The following EVC variants were observed in gnomAD, a reference collection of about 807,000 sequenced individuals.
EVC encodes the protein EvC ciliary complex subunit 1.
In EVC, 116 loss-of-function variants were observed where a neutral mutation model predicts 118.9. The observed-to-expected ratio is 0.98, with a 90% CI of 0.84 to 1.14. The LOEUF (loss-of-function observed/expected upper bound fraction) is 1.14. EVC is among the 50% of genes most tolerant of loss of function. The pLI, the probability that EVC is intolerant of heterozygous loss-of-function variation, is 0.00. For missense variants in EVC, 1,401 were observed against 1,246.4 expected (o/e 1.12, Z -1.87); for synonymous variants, 619 against 534.7 (o/e 1.16, Z -2.18).
chr4:5,777,149 T>A (rs1445433014), intron 11 of EVC, among the ~76,000 whole-genome samples: 1 of 152,164 alleles, frequency 6.6e-6, no homozygotes, highest in Non-Finnish European at 1.5e-5. Context: ...AGGTATACAA[T>A]GATACTGTCC....
intron 11 of EVC, among the ~76,000 whole-genome samples, chr4:5,775,866 T>C (rs1734645896): frequency 6.6e-6 from 1 of 152,212 alleles, no homozygotes; most frequent in Admixed American, 6.5e-5. Flanking sequence ...TTGGAATTTA[T>C]AGGTCAATTT....
At chr4:5,712,219 A>C (rs1437845215) in intron 1 of EVC, among the ~76,000 whole-genome samples, 1 of 152,250 alleles carries the variant, frequency 6.6e-6, no homozygotes, top group East Asian at 1.9e-4. Flanking sequence ...GCTGTGTACC[A>C]GGCACTGAAC....
intron 5 of EVC, among the ~76,000 whole-genome samples, chr4:5,739,237 G>T (rs1449754431): frequency 6.6e-6 from 1 of 152,136 alleles, no homozygotes; most frequent in African/African-American, 2.4e-5. Flanking sequence ...AAGTAGACTC[G>T]AAACTAACAT....
the EVC span, chr4:5,824,246 G>T: frequency 1.0e-6 from 1 of 974,352 alleles, no homozygotes; most frequent in Non-Finnish European, 1.2e-6. Flanking sequence ...CTTTTTCCCA[G>T]GATGAAGCCA....
chr4:5,715,993 C>T (rs1410421953), intron 1 of EVC, among the ~76,000 whole-genome samples: 6 of 152,174 alleles, frequency 3.9e-5, no homozygotes, highest in Non-Finnish European at 7.3e-5. Flanking sequence ...CCACCTGCCT[C>T]GGCCTCCCAG....
chr4:5,813,750 C>A lies in EVC; in HGVS notation c.*2713C>A, dbSNP rs3733188. The A allele has an allele frequency of 6.6e-6, 1 of 152,110 alleles. No homozygotes were observed. The highest frequency in any genetic ancestry group is 1.9e-4 in the East Asian group (1 of 5,148). 9.4% of individuals were successfully genotyped at this position (152,110 alleles called of 1,614,324 possible). A position where few individuals can be genotyped will look rare whatever the true frequency, so the allele number is the denominator to read the frequency against. On this transcript the variant is annotated 3_prime_UTR_variant, in exon 21 of 21. Coordinates refer to ENST00000264956, the MANE Select transcript of EVC (RefSeq NM_153717.3). ...GCTTGTAGCCTGAATGCCTGGCTGTCGCATGGAGCATTTTGCTTCTGGGGT... is the reference window on the plus strand; with the variant it reads ...GCTTGTAGCCTGAATGCCTGGCTGTAGCATGGAGCATTTTGCTTCTGGGGT...
In EVC at chr4:5,789,822, G is replaced by A. The variant is rs943889583; in HGVS notation, c.1777-3786G>A. Among the ~76,000 whole-genome samples the A allele has an allele frequency of 6.6e-6, 1 of 152,132 alleles. No individual in the cohort carries two copies. The highest frequency in any genetic ancestry group is 2.4e-5 in the African/African-American group (1 of 41,432). ...TCGAATCCTGTTGCTAGTTTAAGCT[G>A]CATTCTCAAAACACGCAGCAAAGAC... On this transcript the variant is annotated intron_variant, in intron 12 of 20. Transcript: ENST00000264956. The surrounding 1 kb of genome is among the most constrained non-coding windows in gnomAD (Gnocchi z 4.3).
chr4:5,771,453 C>T (rs1560379505), intron 11 of EVC, among the ~76,000 whole-genome samples: 1 of 152,122 alleles, frequency 6.6e-6, no homozygotes. Flanking sequence ...ATCTTCTTTC[C>T]ATCTCAGGAT....
rs1253372009 is a variant in EVC, at chr4:5,755,474, C to T, written c.1465-790C>T. Among the ~76,000 whole-genome samples the T allele has an allele frequency of 6.6e-6, 1 of 152,142 alleles. No individual in the cohort carries two copies. The highest frequency in any genetic ancestry group is 2.4e-5 in the African/African-American group (1 of 41,430). ...GAGAATGAACGAACGACACCAGGCT[C>T]CCAGTACACACTCAGCACCCACCTT... On this transcript the variant is annotated intron_variant, in intron 10 of 20. Coordinates refer to ENST00000264956, the MANE Select transcript of EVC (RefSeq NM_153717.3). This position sits in a 1 kb window ranked among gnomAD's most constrained non-coding sequence, Gnocchi z 4.1.
chr4:5,761,011 C>T (rs990586499), intron 11 of EVC, among the ~76,000 whole-genome samples: 3 of 152,196 alleles, frequency 2.0e-5, no homozygotes, highest in Non-Finnish European at 4.4e-5. Flanking sequence ...CTGGAAACTG[C>T]TTTTCCTGAT....
chr4:5,717,571 T>C (rs1724185784), intron 1 of EVC, among the ~76,000 whole-genome samples: 2 of 152,188 alleles, frequency 1.3e-5, no homozygotes, highest in Admixed American at 6.5e-5. Flanking sequence ...TCTGCTATGG[T>C]TGGTAAACAA....
intron 5 of EVC, among the ~76,000 whole-genome samples, chr4:5,741,017 A>G (rs1296401053): frequency 1.3e-5 from 2 of 152,228 alleles, no homozygotes; most frequent in Non-Finnish European, 2.9e-5. Flanking sequence ...CTACGGCCAT[A>G]CTGGAAAACG....
rs755751747 is a variant in EVC at position 5,793,632 on chromosome 4, T to G, written c.1801T>G (p.Ser601Ala). 2.6e-6 allele frequency: 4 copies of G among 1,552,290 alleles called. No homozygotes were observed. Among genetic ancestry groups the G allele is most frequent in the Non-Finnish European group, 3.5e-6 (4 of 1,147,492 alleles). The change falls in exon 13 of 21, where the codon TCC becomes GCC. Residue 601 changes from serine to alanine, a missense_variant. Physicochemically the swap from Ser to Ala is moderately conservative, Grantham distance 99 (BLOSUM62 1). Transcript: ENST00000264956. ...QQVWMEECALSSVLQTHLRED... is the reference protein window; with the variant it reads ...QQVWMEECALASVLQTHLRED... ...GGTGTGGATGGAGGAGTGTGCGCTG[T>G]CCAGCGTGCTGCAGACACACCTGCG... is the stretch of plus-strand genomic sequence containing the variant.
intron 11 of EVC, among the ~76,000 whole-genome samples, chr4:5,759,026 A>G (rs1353526214): frequency 1.3e-5 from 2 of 151,218 alleles, no homozygotes; most frequent in Non-Finnish European, 2.9e-5. Context: ...GTGATTATTC[A>G]TAAGGGCGTG....
rs953875760 is a variant in EVC at position 5,811,188 on chromosome 4, G to C, written c.*151G>C. The stretch of plus-strand genomic sequence containing the variant: ...AGGGACAGAGAAAGAATAGAAATGT[G>C]CCCTAAAAGCATAAATGAGTATCAC... On this transcript the variant is annotated 3_prime_UTR_variant, in exon 21 of 21. Transcript: ENST00000264956. 3.0e-6 allele frequency: 2 copies of C among 676,650 alleles called. No homozygotes were observed. The highest frequency in any genetic ancestry group is 3.6e-5 in the African/African-American group (2 of 55,306). 41.9% of individuals were successfully genotyped at this position (676,650 alleles called of 1,614,324 possible). A position where few individuals can be genotyped will look rare whatever the true frequency, so the allele number is the denominator to read the frequency against.
At position 5,783,638 on chromosome 4, in the gene EVC, C is replaced by T. The variant is rs1187336928; in HGVS notation, c.1650C>T (p.Pro550=). The change falls in exon 12 of 21, where the codon CCC becomes CCT. Residue 550 remains proline, a synonymous_variant. Transcript: ENST00000264956. ...LQTLPGMTGL[P]PEECDYLRQE... ...CGCTCCCTGGCATGACTGGCCTCCC[C>T]CCGGAAGAGTGTGACTACTTGAGGC... 5.6e-6 allele frequency: 9 copies of T among 1,614,058 alleles called. No homozygotes were observed. Among genetic ancestry groups the T allele is most frequent in the Non-Finnish European group, 7.6e-6 (9 of 1,180,044 alleles).
At chr4:5,761,519 G>C (rs1732011237) in intron 11 of EVC, among the ~76,000 whole-genome samples, 3 of 146,996 alleles carry the variant, frequency 2.0e-5, no homozygotes. Flanking sequence ...TGGTTGGGGG[G>C]TGGGGCAGCA....
At chr4:5,819,539 T>C in the EVC span, among the ~76,000 whole-genome samples, 7 of 152,206 alleles carry the variant, frequency 4.6e-5, no homozygotes, top group Non-Finnish European at 1.0e-4. Flanking sequence ...CTCTAGATTA[T>C]GCTGGTTGGA....
At chr4:5,774,990 T>C (rs1268976889) in intron 11 of EVC, among the ~76,000 whole-genome samples, 1 of 152,162 alleles carries the variant, frequency 6.6e-6, no homozygotes, top group Non-Finnish European at 1.5e-5. Context: ...GCACATTTCT[T>C]ATTAGAAGGA....
Sources: gnomAD v4.1 joint callset for allele counts (sites outside exome capture counted in the v4.1 genomes callset) on GRCh38, gnomAD v4.1.1 for gene constraint, Gnocchi (gnomAD v3.1) non-coding constraint, MANE v1.5 for transcripts, NCBI Gene and HGNC (gene_info 2026-07-23, HGNC 2026-07-21) for gene names.